Variants in RILPL1 observed in about 807,000 individuals in gnomAD.
RILPL1 encodes the protein RILP-like protein 1.
In RILPL1, 33 loss-of-function variants were observed where a neutral mutation model predicts 50.3. The observed-to-expected ratio is 0.66, with a 90% CI of 0.50 to 0.88. The LOEUF (loss-of-function observed/expected upper bound fraction) is 0.88. RILPL1 is among the 40% of genes least tolerant of loss of function. The pLI is 0.00. For missense variants in RILPL1, 418 were observed against 542.5 expected (o/e 0.77, Z 2.28); for synonymous variants, 205 against 228.6 (o/e 0.90, Z 0.93).
At chr12:123,481,509 C>T (rs1178706476) in intron 6 of RILPL1, among the ~76,000 whole-genome samples, 1 of 152,094 alleles carries the variant, frequency 6.6e-6, no homozygotes, top group Non-Finnish European at 1.5e-5. Context: ...CCAGCTGAGC[C>T]CCACGCTGTG....
intron 6 of RILPL1, chr12:123,474,649 C>A (rs1245303564): frequency 6.6e-6 from 1 of 152,210 alleles, no homozygotes; most frequent in African/African-American, 2.4e-5. Context: ...CTGCCGAGCC[C>A]GGCCGTCACC....
At chr12:123,525,041 A>G (rs1885200926) in intron 1 of RILPL1, among the ~76,000 whole-genome samples, 1 of 152,156 alleles carries the variant, frequency 6.6e-6, no homozygotes, top group Admixed American at 6.6e-5. Flanking sequence ...CTGAGGCAGG[A>G]GAATTACTTG....
At chr12:123,507,868 G>A (rs1883847670) in intron 2 of RILPL1, among the ~76,000 whole-genome samples, 1 of 150,920 alleles carries the variant, frequency 6.6e-6, no homozygotes. Flanking sequence ...TTGAACCCGG[G>A]AGGTGGAAGT....
chr12:123,509,301 C>T (rs995745388), intron 2 of RILPL1, among the ~76,000 whole-genome samples: 7 of 152,176 alleles, frequency 4.6e-5, no homozygotes, highest in Admixed American at 1.3e-4. Context: ...TGGTGGCTCA[C>T]GCCTACAACG....
intron 1 of RILPL1, among the ~76,000 whole-genome samples, chr12:123,526,940 G>A (rs1885284000): frequency 6.6e-6 from 1 of 152,106 alleles, no homozygotes; most frequent in Non-Finnish European, 1.5e-5. Context: ...TAACTGGCTG[G>A]GGCAGGGAGA....
chr12:123,533,432 C>A lies in RILPL1; in HGVS notation c.51G>T (p.Lys17Asn), dbSNP rs1235684731. 1 of 1,539,956 alleles carries A rather than the reference C, an allele frequency of 6.5e-7. No individual in the cohort carries two copies. Among genetic ancestry groups the A allele is most frequent in the Non-Finnish European group, 8.8e-7 (1 of 1,141,488 alleles). ...CCATGACGGTCAGCTCGGCCACGTT[C>A]TTCTCCAGCGCCGACTCGGCCGCCA... ...SALAAESALE[K>N]NVAELTVMDV... The change falls in exon 1 of 7, where the codon AAG (lysine) becomes AAT (asparagine). Residue 17 changes from lysine (K) to asparagine (N), a missense_variant. Transcript: ENST00000376874. The surrounding 1 kb of genome is among the most constrained non-coding windows in gnomAD (Gnocchi z 6.2).
At chr12:123,505,102 A>C (rs1481434005) in intron 2 of RILPL1, among the ~76,000 whole-genome samples, 1 of 152,052 alleles carries the variant, frequency 6.6e-6, no homozygotes, top group African/African-American at 2.4e-5. Flanking sequence ...GTGCAGTGGC[A>C]CGATCTTGGC....
chr12:123,507,281 G>C (rs1883805868), intron 2 of RILPL1, among the ~76,000 whole-genome samples: 1 of 152,144 alleles, frequency 6.6e-6, no homozygotes, highest in African/African-American at 2.4e-5. Flanking sequence ...GAAAGACTGA[G>C]GCCAGGCACA....
At chr12:123,488,963 A>G (rs1017119975) in intron 4 of RILPL1, among the ~76,000 whole-genome samples, 4 of 152,152 alleles carry the variant, frequency 2.6e-5, no homozygotes, top group South Asian at 2.1e-4. Context: ...TCTCCTCTGC[A>G]GCGCCTCCAG....
intron 2 of RILPL1, among the ~76,000 whole-genome samples, chr12:123,509,701 G>T (rs1169796720): frequency 6.6e-6 from 1 of 152,190 alleles, no homozygotes; most frequent in Non-Finnish European, 1.5e-5. Flanking sequence ...GCTCCCTAGA[G>T]AAGTCAGACC....
At chr12:123,528,263 G>A (rs1184558155) in intron 1 of RILPL1, among the ~76,000 whole-genome samples, 2 of 151,784 alleles carry the variant, frequency 1.3e-5, no homozygotes, top group East Asian at 3.9e-4. Flanking sequence ...GGAAGCTGAG[G>A]CGGGAGGATT....
intron 4 of RILPL1, among the ~76,000 whole-genome samples, chr12:123,486,505 C>A (rs1031733390): frequency 1.3e-5 from 2 of 152,202 alleles, no homozygotes; most frequent in African/African-American, 2.4e-5. Flanking sequence ...AAATATACAT[C>A]ATCTAAAATT....
intron 2 of RILPL1, among the ~76,000 whole-genome samples, chr12:123,511,134 G>A (rs1262673765): frequency 1.6e-4 from 23 of 143,962 alleles, no homozygotes; most frequent in Non-Finnish European, 3.2e-4. Flanking sequence ...AGGTCTATGT[G>A]TGTGTGTGGT....
At chr12:123,474,541 AC>A in intron 6 of RILPL1, 1 of 151,976 alleles carries the variant, frequency 6.6e-6, no homozygotes, top group Non-Finnish European at 1.5e-5. Flanking sequence ...TTTAGTAGAG[AC>A]GGGGCTTCAC....
intron 2 of RILPL1, among the ~76,000 whole-genome samples, chr12:123,520,415 T>C (rs1037395052): frequency 2.6e-5 from 4 of 152,066 alleles, no homozygotes; most frequent in African/African-American, 9.7e-5. Flanking sequence ...AAATATTAGA[T>C]GGACGTGGTG....
At chr12:123,480,467 G>A (rs147333427) in intron 6 of RILPL1, among the ~76,000 whole-genome samples, 1 of 152,090 alleles carries the variant, frequency 6.6e-6, no homozygotes, top group Admixed American at 6.6e-5. Context: ...GGCCTGAAAG[G>A]CTAATTCTTA....
In RILPL1 at chr12:123,524,477, C is replaced by G. The variant is rs181171392; in HGVS notation, c.310-832G>C. Reference sequence around the variant, plus strand: ...TGAACACAATGTCCACATGAAAACGCGTGCAGGTGAATGTTCCTCGCAGCA... The same window carrying G: ...TGAACACAATGTCCACATGAAAACGGGTGCAGGTGAATGTTCCTCGCAGCA... On this transcript the variant is annotated intron_variant, in intron 1 of 6. Transcript: ENST00000376874. 3.2e-3 allele frequency among the ~76,000 whole-genome samples: 490 copies of G among 152,222 alleles called. 3 individuals are homozygous for G. Among genetic ancestry groups the G allele is most frequent in the African/African-American group, 0.011 (470 of 41,544 alleles).
At chr12:123,492,899 C>T (rs554729680) in intron 4 of RILPL1, among the ~76,000 whole-genome samples, 3 of 152,266 alleles carry the variant, frequency 2.0e-5, no homozygotes, top group East Asian at 1.9e-4. Context: ...ACAAACACTG[C>T]GGAAGGCCAC....
chr12:123,487,282 C>T (rs777963953), intron 4 of RILPL1, among the ~76,000 whole-genome samples: 1 of 151,786 alleles, frequency 6.6e-6, no homozygotes, highest in Non-Finnish European at 1.5e-5. Flanking sequence ...GGTTCATCCA[C>T]GTTGCAGCAC....
Sources: allele counts gnomAD v4.1 joint callset (sites outside exome capture counted in the v4.1 genomes callset), GRCh38; gene constraint gnomAD v4.1.1; non-coding constraint Gnocchi (gnomAD v3.1); transcripts MANE v1.5; gene names NCBI Gene and HGNC (gene_info 2026-07-23, HGNC 2026-07-21).